ADAM12: variants seen among roughly 807,000 people sequenced by gnomAD.
ADAM12 encodes the protein disintegrin and metalloproteinase domain-containing protein 12.
A neutral mutation model predicts 106.4 loss-of-function variants in ADAM12; 70 were observed. The ratio of observed to expected loss-of-function variants is 0.66; its 90% CI spans 0.54 to 0.80. The LOEUF (loss-of-function observed/expected upper bound fraction) is 0.80, where lower values mean the gene tolerates loss of function less well. Ranked by LOEUF, ADAM12 falls within the 30% of genes least tolerant of loss-of-function variation. ADAM12 has a pLI of 0.00. For synonymous variants in ADAM12, 420 were observed against 433.5 expected, an observed-to-expected ratio of 0.97 and a Z score of 0.39; for missense variants, 1,010 against 1,171.9, an observed-to-expected ratio of 0.86 and a Z score of 2.02.
At chr10:126,295,078 A>C (rs776961817) in intron 2 of ADAM12, among the ~76,000 whole-genome samples, 10 of 152,160 alleles carry the variant, frequency 6.6e-5, no homozygotes, top group Non-Finnish European at 1.3e-4. Context: ...GCTCAGTGGA[A>C]AATAAAAGGA....
chr10:126,306,366 G>A (rs1051283684), intron 2 of ADAM12, among the ~76,000 whole-genome samples: 1 of 151,912 alleles, frequency 6.6e-6, no homozygotes, highest in Admixed American at 6.6e-5. Flanking sequence ...TCCTCCCTTT[G>A]TGCTATTCAT....
chr10:126,362,095 C>T (rs1855762947), intron 1 of ADAM12, among the ~76,000 whole-genome samples: 1 of 152,018 alleles, frequency 6.6e-6, no homozygotes, highest in Admixed American at 6.6e-5. Flanking sequence ...AGAAAGAAAA[C>T]TATTAGCCTG....
chr10:126,307,551 T>C (rs1960903032), intron 2 of ADAM12, among the ~76,000 whole-genome samples: 1 of 152,032 alleles, frequency 6.6e-6, no homozygotes, highest in Non-Finnish European at 1.5e-5. Context: ...TTTTCTTTTT[T>C]TTGAAACAGA....
intron 2 of ADAM12, among the ~76,000 whole-genome samples, chr10:126,317,288 A>C (rs1304415546): frequency 6.6e-6 from 1 of 152,184 alleles, no homozygotes; most frequent in African/African-American, 2.4e-5. Context: ...ATCTTAATAG[A>C]GACCCAATCC....
chr10:126,030,801 G>T (rs763206025), intron 21 of ADAM12, among the ~76,000 whole-genome samples: 14 of 152,180 alleles, frequency 9.2e-5, no homozygotes, highest in Non-Finnish European at 8.8e-5. Context: ...GGCAGGGAGA[G>T]TCCAAGACCT....
In ADAM12 at chr10:126,247,741, G is replaced by A. The variant is rs117116425; in HGVS notation, c.260+31174C>T. Among the ~76,000 whole-genome samples, 42 of 152,216 alleles carry A rather than the reference G, an allele frequency of 2.8e-4. No homozygotes were observed. In the East Asian group the frequency reaches 4.6e-3, roughly 17 times the overall value. On this transcript the variant is annotated intron_variant, in intron 3 of 22. Transcript: ENST00000448723. ...AAAATGTCAGCCATGAATAATGAAC[G>A]TATGACTCTAAAAATACCTCTCAAA...
At chr10:126,274,597 A>G (rs4962332) in intron 3 of ADAM12, among the ~76,000 whole-genome samples, 147,883 of 152,324 alleles carry the variant, frequency 0.97, 71,902 homozygotes, top group East Asian at 1. Flanking sequence ...GCCAAGCACA[A>G]TTATTCCCCC....
At chr10:126,024,048 C>T (rs1953821600) in intron 21 of ADAM12, among the ~76,000 whole-genome samples, 1 of 152,124 alleles carries the variant, frequency 6.6e-6, no homozygotes, top group Non-Finnish European at 1.5e-5. Flanking sequence ...AAGTACAAGA[C>T]AAGCTAGCAT....
chr10:126,373,883 G>T (rs908196499), intron 1 of ADAM12, among the ~76,000 whole-genome samples: 2 of 152,202 alleles, frequency 1.3e-5, no homozygotes, highest in African/African-American at 4.8e-5. Context: ...GCAGACATAG[G>T]ACTTCAGCCT....
Position 126,105,256 on chromosome 10 carries a change from A to G in ADAM12, c.741+3337T>C, listed in dbSNP as rs1448105336. On this transcript the variant is annotated intron_variant, in intron 8 of 22. Coordinates refer to ENST00000448723, the MANE Select transcript of ADAM12 (RefSeq NM_001288973.2). ...TTGGTTTTGCAAACTGAAGCAAGAT[A>G]TAACCTAGAATAAATGTGAAGAAAT... 2.0e-5 allele frequency among the ~76,000 whole-genome samples: 3 copies of G among 152,248 alleles called. No individual in the cohort carries two copies. In the East Asian group the frequency reaches 5.8e-4, roughly 29 times the overall value.
intron 14 of ADAM12, among the ~76,000 whole-genome samples, chr10:126,056,693 T>C (rs1954639916): frequency 3.1e-5 from 1 of 32,738 alleles, no homozygotes; most frequent in African/African-American, 9.0e-5. Context: ...TGAGTGAGAA[T>C]ATGCGGTGTT....
Position 126,064,709 on chromosome 10 carries a change from G to C in ADAM12, c.1609+97C>G. ...GATGCTGTGTGGACAGCGCCCGCCA[G>C]GAGTGGGGGCTAACCAAAACAGAGC... On this transcript the variant is annotated intron_variant, in intron 14 of 22. Transcript: ENST00000448723. The surrounding 1 kb of genome is among the most constrained non-coding windows in gnomAD (Gnocchi z 4.4). The C allele has an allele frequency of 7.6e-7, 1 of 1,313,204 alleles. No homozygotes were observed. Among genetic ancestry groups the C allele is most frequent in the Non-Finnish European group, 1.0e-6 (1 of 962,288 alleles). The allele number at this position is 1,313,204 out of a possible 1,614,324, so 81.3% of individuals were successfully genotyped here. A position where few individuals can be genotyped will look rare whatever the true frequency, so the allele number is the denominator to read the frequency against.
rs572477399 is a variant in ADAM12, at chr10:126,026,611, A to G, written c.2530-6786T>C. On this transcript the variant is annotated intron_variant, in intron 21 of 22. Transcript: ENST00000448723. ...GTAATCAAATTAAAGCTTAAGATTAAGAAATTCACTCAAAACCACACAACT... is the reference window on the plus strand; with the variant it reads ...GTAATCAAATTAAAGCTTAAGATTAGGAAATTCACTCAAAACCACACAACT... 2.0e-5 allele frequency among the ~76,000 whole-genome samples: 3 copies of G among 152,362 alleles called. 1 individual carries two copies. In the South Asian group the frequency reaches 6.2e-4, roughly 32 times the overall value.
At position 126,320,209 on chromosome 10, in the gene ADAM12, G is replaced by C. The variant is rs186278747; in HGVS notation, c.186+10203C>G. Among the ~76,000 whole-genome samples the C allele has an allele frequency of 2.8e-3, 421 of 152,228 alleles. 4 individuals carry two copies. The highest frequency in any genetic ancestry group is 0.014 in the Middle Eastern group (4 of 294). On this transcript the variant is annotated intron_variant, in intron 2 of 22. Coordinates refer to ENST00000448723, the MANE Select transcript of ADAM12 (RefSeq NM_001288973.2). ...AGGCAGGCGGTAACAAAAAATGCTG[G>C]TAAAACACTAGTGTGCACCACCAAC... is the stretch of plus-strand genomic sequence containing the variant.
intron 2 of ADAM12, among the ~76,000 whole-genome samples, chr10:126,295,868 A>G (rs1434581666): frequency 6.6e-6 from 1 of 150,984 alleles, no homozygotes; most frequent in Non-Finnish European, 1.5e-5. Flanking sequence ...GCTAAAAATG[A>G]ACCACTGTCA....
chr10:126,311,804 C>T (rs924363466), intron 2 of ADAM12, among the ~76,000 whole-genome samples: 4 of 152,234 alleles, frequency 2.6e-5, no homozygotes, highest in Admixed American at 2.6e-4. Flanking sequence ...GCTCTATAGG[C>T]ACCTCTTCAT....
At chr10:126,375,492 A>C (rs1405434071) in intron 1 of ADAM12, among the ~76,000 whole-genome samples, 6 of 151,654 alleles carry the variant, frequency 4.0e-5, no homozygotes, top group African/African-American at 9.7e-5. Flanking sequence ...GTTTGGGAGG[A>C]GGCCAAAGTT....
intron 2 of ADAM12, among the ~76,000 whole-genome samples, chr10:126,322,112 C>T (rs1018591894): frequency 1.3e-5 from 2 of 152,188 alleles, no homozygotes; most frequent in African/African-American, 4.8e-5. Flanking sequence ...AAAGATTTTT[C>T]ATGACACATG....
At chr10:126,038,220 T>C (rs201993134) in intron 20 of ADAM12, 21 bp downstream of exon 20, 115 of 1,585,038 alleles carry the variant, frequency 7.3e-5, no homozygotes, top group Admixed American at 5.2e-5. Flanking sequence ...CCCTGAGCAC[T>C]CACATCTACT....
Sources: gnomAD v4.1 joint callset for allele counts (sites outside exome capture counted in the v4.1 genomes callset) on GRCh38, gnomAD v4.1.1 for gene constraint, Gnocchi (gnomAD v3.1) non-coding constraint, MANE v1.5 for transcripts, NCBI Gene and HGNC (gene_info 2026-07-23, HGNC 2026-07-21) for gene names.